SHB: variants seen among roughly 807,000 people sequenced by gnomAD.
SHB encodes SH2 domain-containing adapter protein B.
Under a neutral mutation model 52.3 loss-of-function variants are expected in SHB, and 20 were observed. That is an observed-to-expected ratio of 0.38 (90% CI 0.27 to 0.56). The LOEUF (loss-of-function observed/expected upper bound fraction) is 0.56, where lower values mean the gene tolerates loss of function less well. Among genes scored for constraint, SHB ranks in the 20% least tolerant of loss-of-function variants. The probability of loss-of-function intolerance (pLI) is 0.71; values close to 1 mark genes in which losing one functional copy is unlikely to be tolerated. For missense variants in SHB, 825 were observed against 723.3 expected (o/e 1.14, Z -1.61); for synonymous variants, 397 against 316.5 (o/e 1.25, Z -2.70).
At chr9:38,008,320 C>G (rs557262351) in intron 2 of SHB, among the ~76,000 whole-genome samples, 3 of 152,336 alleles carry the variant, frequency 2.0e-5, no homozygotes, top group Admixed American at 2.0e-4. Context: ...CTTCTCTCCC[C>G]GCCCACAGCT....
At position 38,068,504 on chromosome 9, in the gene SHB, A is replaced by T; in HGVS notation, c.142T>A (p.Ser48Thr). 6.7e-7 allele frequency: 1 copy of T among 1,488,694 alleles called. No homozygotes were observed. The highest frequency in any genetic ancestry group is 8.9e-7 in the Non-Finnish European group (1 of 1,126,372). 92.2% of individuals were successfully genotyped at this position (1,488,694 alleles called of 1,614,324 possible). Residue 48 changes from serine to threonine, a missense_variant, in exon 1 of 6, where the codon TCC becomes ACC. Coordinates refer to ENST00000377707, the MANE Select transcript of SHB (RefSeq NM_003028.3). Reference protein sequence around the residue: ...SQPPQAVPQASSAASASCGPA... With the variant: ...SQPPQAVPQATSAASASCGPA... ...CCGCAGGACGCCGAGGCGGCGGAGG[A>T]GGCCTGCGGCACGGCCTGGGGGGGC...
chr9:38,008,990 C>G (rs370520119), intron 2 of SHB, among the ~76,000 whole-genome samples: 1 of 152,178 alleles, frequency 6.6e-6, no homozygotes, highest in African/African-American at 2.4e-5. Context: ...CCTTTGCTTT[C>G]CCAGCTCAGG....
chr9:38,067,062 G>A (rs905137001), intron 1 of SHB, among the ~76,000 whole-genome samples: 2 of 152,300 alleles, frequency 1.3e-5, no homozygotes, highest in East Asian at 1.9e-4. Flanking sequence ...GGGGGAGGAG[G>A]GGACCTAGTC....
chr9:37,916,344 G>A lies in SHB; in HGVS notation c.*3477C>T. On this transcript the variant is annotated 3_prime_UTR_variant, in exon 6 of 6. Transcript: ENST00000377707. ...TGCTGGCAGGGCTTCTACCTGCACA[G>A]TCCCTAGGGCTGCAAGAGCAAATGG... Among the ~76,000 whole-genome samples the A allele has an allele frequency of 6.6e-6, 1 of 152,244 alleles. No homozygotes were observed. The highest frequency in any genetic ancestry group is 1.9e-4 in the East Asian group (1 of 5,198).
At chr9:38,023,025 C>T (rs1446312980) in intron 1 of SHB, among the ~76,000 whole-genome samples, 2 of 152,134 alleles carry the variant, frequency 1.3e-5, no homozygotes, top group Non-Finnish European at 2.9e-5. Context: ...GTCTGAGCTG[C>T]CCCAAGCAGA....
At chr9:37,987,833 G>A (rs1001451216) in intron 2 of SHB, among the ~76,000 whole-genome samples, 3 of 152,108 alleles carry the variant, frequency 2.0e-5, no homozygotes, top group Admixed American at 1.3e-4. Flanking sequence ...TGCTGGTGCC[G>A]GCCTGGCTGG....
chr9:38,037,645 T>A (rs1261167109), intron 1 of SHB, among the ~76,000 whole-genome samples: 1 of 152,166 alleles, frequency 6.6e-6, no homozygotes, highest in Non-Finnish European at 1.5e-5. Context: ...GGGGCTCAAC[T>A]GTGTGTCATT....
intron 1 of SHB, among the ~76,000 whole-genome samples, chr9:38,042,026 C>A (rs191844396): frequency 2.6e-5 from 4 of 152,164 alleles, no homozygotes; most frequent in Non-Finnish European, 5.9e-5. Flanking sequence ...TTATAAAGCA[C>A]GCTAGGAGCA....
intron 3 of SHB, among the ~76,000 whole-genome samples, chr9:37,970,068 A>G (rs1820573611): frequency 6.6e-6 from 1 of 152,204 alleles, no homozygotes; most frequent in African/African-American, 2.4e-5. Context: ...TGGAAGCCAC[A>G]TCACTTCCCT....
intron 5 of SHB, among the ~76,000 whole-genome samples, chr9:37,948,215 C>T (rs1043928432): frequency 1.3e-5 from 2 of 151,078 alleles, no homozygotes; most frequent in Admixed American, 6.6e-5. Context: ...CAAGTCCTGG[C>T]CCAGCCACTT....
chr9:38,046,478 G>A (rs190912242), intron 1 of SHB, among the ~76,000 whole-genome samples: 12 of 152,114 alleles, frequency 7.9e-5, no homozygotes, highest in African/African-American at 2.9e-4. Flanking sequence ...AAGCCCCCCC[G>A]GGTCCTCCTT....
chr9:37,985,535 G>A (rs147332989), intron 2 of SHB, among the ~76,000 whole-genome samples: 3 of 152,374 alleles, frequency 2.0e-5, no homozygotes, highest in East Asian at 3.9e-4. Flanking sequence ...GCCATCCCCC[G>A]TGGAGACTCA....
At chr9:37,951,155 G>A (rs1832562315) in intron 4 of SHB, among the ~76,000 whole-genome samples, 1 of 152,230 alleles carries the variant, frequency 6.6e-6, no homozygotes, top group Non-Finnish European at 1.5e-5. Flanking sequence ...GAGTAAATGT[G>A]AGTGTCCTTG....
At chr9:38,002,107 C>T (rs1268399085) in intron 2 of SHB, among the ~76,000 whole-genome samples, 1 of 152,122 alleles carries the variant, frequency 6.6e-6, no homozygotes, top group Non-Finnish European at 1.5e-5. Context: ...CTTCGATTCT[C>T]TGGTTTTCCA....
intron 3 of SHB, among the ~76,000 whole-genome samples, chr9:37,956,578 A>G (rs765897114): frequency 1.2e-4 from 18 of 152,192 alleles, no homozygotes; most frequent in Non-Finnish European, 1.2e-4. Context: ...GCATGGGCCC[A>G]GGACCCAGCG....
At chr9:37,990,499 C>G (rs1445053624) in intron 2 of SHB, among the ~76,000 whole-genome samples, 1 of 152,132 alleles carries the variant, frequency 6.6e-6, no homozygotes. Context: ...AACACACAGC[C>G]TTTTGCAAAT....
chr9:37,982,165 C>T (rs972334670), intron 2 of SHB, among the ~76,000 whole-genome samples: 12 of 151,746 alleles, frequency 7.9e-5, no homozygotes, highest in African/African-American at 2.4e-4. Flanking sequence ...TATGCCTAAA[C>T]ATTTTATTAT....
intron 1 of SHB, among the ~76,000 whole-genome samples, chr9:38,049,307 T>A (rs1440399755): frequency 6.6e-6 from 1 of 151,122 alleles, no homozygotes; most frequent in Non-Finnish European, 1.5e-5. Flanking sequence ...CCAGCCAATA[T>A]CCTCACTGAA....
In SHB at chr9:37,974,749, G is replaced by C; in HGVS notation, c.927C>G (p.Asp309Glu). The C allele has an allele frequency of 6.2e-7, 1 of 1,614,138 alleles. No individual in the cohort carries two copies. The highest frequency in any genetic ancestry group is 8.5e-7 in the Non-Finnish European group (1 of 1,179,998). Residue 309 changes from aspartate (D) to glutamate (E), a missense_variant, in exon 3 of 6, where the codon GAC (aspartate) becomes GAG (glutamate). Coordinates refer to ENST00000377707, the MANE Select transcript of SHB (RefSeq NM_003028.3). Reference sequence around the variant, plus strand: ...GGCTGACTGTGCTCTCCGAGTCTGAGTCAACACTTTGGCCTTCAGGTTCGT... The same window carrying C: ...GGCTGACTGTGCTCTCCGAGTCTGACTCAACACTTTGGCCTTCAGGTTCGT... ...TPYEPEGQSV[D>E]SDSESTVSPR...
Sources: gnomAD v4.1 joint callset for allele counts (sites outside exome capture counted in the v4.1 genomes callset) on GRCh38, gnomAD v4.1.1 for gene constraint, MANE v1.5 for transcripts, NCBI Gene and HGNC (gene_info 2026-07-23, HGNC 2026-07-21) for gene names.